The following RERE variants were observed in gnomAD, a reference collection of about 807,000 sequenced individuals.
RERE encodes arginine-glutamic acid dipeptide repeats, also known as arginine-glutamic acid dipeptide repeats protein.
RERE carries 40 observed loss-of-function variants against 146.1 expected under a neutral mutation model. That is an observed-to-expected ratio of 0.27 (90% confidence interval 0.21 to 0.36). The LOEUF (loss-of-function observed/expected upper bound fraction) is 0.36, where lower values mean the gene tolerates loss of function less well. Among genes scored for constraint, RERE ranks in the 10% least tolerant of loss-of-function variants. The pLI, the probability that RERE is intolerant of heterozygous loss-of-function variation, is 1.00. For synonymous variants in RERE, 1,003 were observed against 866.0 expected (o/e 1.16, Z -2.78); for missense variants, 1,933 against 2,138.7 (o/e 0.90, Z 1.90).
intron 1 of RERE, among the ~76,000 whole-genome samples, chr1:8,795,165 A>C (rs1641443968): frequency 1.3e-5 from 2 of 152,120 alleles, no homozygotes; most frequent in Admixed American, 1.3e-4. Flanking sequence ...AGCTGGGATT[A>C]CAGGTGCCTG....
At position 8,358,515 on chromosome 1, in the gene RERE, G is replaced by A. The variant is rs751639171; in HGVS notation, c.4020C>T (p.Ala1340=). The A allele has an allele frequency of 1.6e-5, 25 of 1,593,220 alleles. No individual in the cohort carries two copies. Among genetic ancestry groups the A allele is most frequent in the Non-Finnish European group, 1.9e-5 (22 of 1,170,616 alleles). The change falls in exon 20 of 23, where the codon GCC becomes GCT. Residue 1340 remains alanine (A), a synonymous_variant. Transcript: ENST00000400908. ...GGGCAAAGTGCTCCATGGGGTTGGCGGCTGGGTGCAGGGGGTCCAGCTCTG... is the reference window on the plus strand; with the variant it reads ...GGGCAAAGTGCTCCATGGGGTTGGCAGCTGGGTGCAGGGGGTCCAGCTCTG... ...KPPELDPLHP[A]ANPMEHFARH...
chr1:8,394,036 C>T (rs113499178), intron 12 of RERE, among the ~76,000 whole-genome samples: 1,885 of 152,148 alleles, frequency 0.012, 38 homozygotes, highest in African/African-American at 0.043. Context: ...AAGAAAAATC[C>T]CTGATTTCTC....
At chr1:8,613,739 A>G (rs1294703166) in intron 4 of RERE, among the ~76,000 whole-genome samples, 14 of 152,162 alleles carry the variant, frequency 9.2e-5, no homozygotes, top group Admixed American at 9.2e-4. Flanking sequence ...CGTCAATGTA[A>G]CTGCAACTAC....
At chr1:8,432,568 A>G (rs1294128928) in intron 11 of RERE, among the ~76,000 whole-genome samples, 2 of 152,182 alleles carry the variant, frequency 1.3e-5, no homozygotes, top group Non-Finnish European at 2.9e-5. Flanking sequence ...CCTGTTTATG[A>G]CTAGAATTAA....
intron 7 of RERE, chr1:8,512,018 T>C (rs373124636): frequency 1.4e-5 from 1 of 70,464 alleles, no homozygotes; most frequent in African/African-American, 7.2e-5. Flanking sequence ...AACACTCTTT[T>C]TTTTTTTTTT....
At chr1:8,456,008 T>C (rs1570268935) in intron 11 of RERE, among the ~76,000 whole-genome samples, 1 of 152,154 alleles carries the variant, frequency 6.6e-6, no homozygotes, top group Admixed American at 6.5e-5. Flanking sequence ...GCATTCTAGT[T>C]AGTCAGTGCA....
chr1:8,646,876 T>G (rs1647334232), intron 2 of RERE, among the ~76,000 whole-genome samples: 2 of 152,204 alleles, frequency 1.3e-5, no homozygotes, highest in Admixed American at 1.3e-4. Context: ...ATCCCAGCAC[T>G]TTGGGAGGCC....
At position 8,402,459 on chromosome 1, in the gene RERE, T is replaced by C. The variant is rs188738257; in HGVS notation, c.1284+20268A>G. Among the ~76,000 whole-genome samples, 8 of 152,252 alleles carry C rather than the reference T, an allele frequency of 5.3e-5. No homozygotes were observed. The East Asian group carries it at 1.3e-3, about 26-fold the overall frequency. On this transcript the variant is annotated intron_variant, in intron 12 of 22. Transcript: ENST00000400908. ...TGCCCCATTCAAAATTCCTGAACCA[T>C]GGAATCCATAAACAGAACAAAAAGG...
chr1:8,800,677 T>C (rs1383795401), intron 1 of RERE, among the ~76,000 whole-genome samples: 2 of 151,840 alleles, frequency 1.3e-5, no homozygotes, highest in African/African-American at 2.4e-5. Flanking sequence ...TAAAAAAACT[T>C]TGTAAGGGCC....
chr1:8,520,496 G>A (rs1645477848), intron 7 of RERE, among the ~76,000 whole-genome samples: 1 of 151,886 alleles, frequency 6.6e-6, no homozygotes, highest in Admixed American at 6.6e-5. Flanking sequence ...GAAAAAAACT[G>A]GTCAAAAAAA....
intron 1 of RERE, among the ~76,000 whole-genome samples, chr1:8,792,932 G>A (rs959874707): frequency 2.0e-5 from 3 of 152,054 alleles, no homozygotes; most frequent in African/African-American, 4.8e-5. Flanking sequence ...CGAGGTGGGC[G>A]GATCACTTGA....
intron 1 of RERE, among the ~76,000 whole-genome samples, chr1:8,776,146 A>G (rs1641060186): frequency 6.6e-6 from 1 of 152,218 alleles, no homozygotes; most frequent in Non-Finnish European, 1.5e-5. Context: ...TCATCTGTTT[A>G]TCATTCATAA....
At chr1:8,607,966 TCCACCCACCTCGG>T (rs1646742203) in intron 4 of RERE, among the ~76,000 whole-genome samples, 1 of 152,164 alleles carries the variant, frequency 6.6e-6, no homozygotes, top group Admixed American at 6.5e-5. Context: ...CTTCAAGTGA[TCCACCCACCTCGG>T]CCTCCCAAAG....
rs564574812 is a variant in RERE at position 8,605,745 on chromosome 1, CAAAAA to C, written c.522+8811_522+8815del. Among the ~76,000 whole-genome samples the C allele has an allele frequency of 3.1e-4, 20 of 64,536 alleles. 1 individual carries two copies. The highest frequency in any genetic ancestry group is 2.6e-3 in the South Asian group (3 of 1,150). The allele number at this position is 64,536 out of a possible 152,430, so 42.3% of individuals were successfully genotyped here. On this transcript the variant is annotated intron_variant, in intron 4 of 22. Coordinates refer to ENST00000400908, the MANE Select transcript of RERE (RefSeq NM_001042681.2). ...GGGCAACAGAGCAAGACCCCATCTC[CAAAAA>C]AAAAAAAAAAAAAAAAAAAAACCCC...
At chr1:8,607,528 ATATTTCTTTTTTTTTTT>A (rs1557431320) in intron 4 of RERE, among the ~76,000 whole-genome samples, 1 of 76,970 alleles carries the variant, frequency 1.3e-5, no homozygotes, top group East Asian at 7.4e-4. Context: ...GTTTTTATAT[ATATTTCTTTTTTTTTTT>A]TTTTTTTTTT....
At chr1:8,438,942 A>G (rs1332030631) in intron 11 of RERE, among the ~76,000 whole-genome samples, 1 of 152,228 alleles carries the variant, frequency 6.6e-6, no homozygotes, top group East Asian at 1.9e-4. Flanking sequence ...TTGCCTTGAT[A>G]TGGTTTCTAT....
intron 1 of RERE, among the ~76,000 whole-genome samples, chr1:8,723,849 G>C (rs1015209627): frequency 2.6e-5 from 4 of 152,168 alleles, no homozygotes; most frequent in Non-Finnish European, 5.9e-5. Context: ...TTCTAGCTCT[G>C]AATTACCATC....
At chr1:8,551,668 G>GC (rs1265921314) in intron 6 of RERE, among the ~76,000 whole-genome samples, 8 of 152,106 alleles carry the variant, frequency 5.3e-5, no homozygotes, top group Non-Finnish European at 8.8e-5. Flanking sequence ...TGTTACTAGG[G>GC]CCTGAGATGC....
intron 4 of RERE, among the ~76,000 whole-genome samples, chr1:8,573,932 A>T (rs893191388): frequency 1.3e-5 from 2 of 152,070 alleles, no homozygotes; most frequent in Non-Finnish European, 2.9e-5. Context: ...CAGCCTCCTG[A>T]GTAGCTGGGA....
Sources: allele counts gnomAD v4.1 joint callset (sites outside exome capture counted in the v4.1 genomes callset), GRCh38; gene constraint gnomAD v4.1.1; transcripts MANE v1.5; gene names NCBI Gene and HGNC (gene_info 2026-07-23, HGNC 2026-07-21).